Variants in GLCE observed in about 807,000 individuals in gnomAD.
The protein encoded by GLCE is D-glucuronyl C5-epimerase.
In GLCE, 19 loss-of-function variants were observed where a neutral mutation model predicts 47.9. That is an observed-to-expected ratio of 0.40 (90% CI 0.28 to 0.58). GLCE has a LOEUF of 0.58. Ranked by LOEUF, GLCE falls within the 20% of genes least tolerant of loss-of-function variation. The probability of loss-of-function intolerance (pLI) is 0.48; values close to 1 mark genes in which losing one functional copy is unlikely to be tolerated. For synonymous variants in GLCE, 245 were observed against 263.4 expected (o/e 0.93, Z 0.68); for missense variants, 556 against 743.3 (o/e 0.75, Z 2.93).
chr15:69,244,602 A>T (rs1452770878), intron 2 of GLCE, among the ~76,000 whole-genome samples: 1 of 152,244 alleles, frequency 6.6e-6, no homozygotes. Context: ...ATCAGAGCAC[A>T]GCCTTTGGAG....
chr15:69,192,045 G>A (rs1377076187), intron 1 of GLCE, among the ~76,000 whole-genome samples: 15 of 152,156 alleles, frequency 9.9e-5, no homozygotes. Context: ...GTGTGAATGT[G>A]TGTTTGTGTT....
At chr15:69,215,581 C>T (rs948012218) in intron 2 of GLCE, among the ~76,000 whole-genome samples, 5 of 150,152 alleles carry the variant, frequency 3.3e-5, no homozygotes, top group Non-Finnish European at 5.9e-5. Flanking sequence ...TGTGTGTATA[C>T]ATAAGTTTTC....
chr15:69,252,254 A>AT (rs1028576934), intron 2 of GLCE, among the ~76,000 whole-genome samples: 2 of 152,108 alleles, frequency 1.3e-5, no homozygotes, highest in East Asian at 1.9e-4. Flanking sequence ...TGGGTAATTT[A>AT]TTTTTAAAAA....
At chr15:69,249,003 A>T (rs1456350885) in intron 2 of GLCE, among the ~76,000 whole-genome samples, 1 of 152,196 alleles carries the variant, frequency 6.6e-6, no homozygotes, top group Non-Finnish European at 1.5e-5. Context: ...ATTTAAATGT[A>T]TAATATGTCA....
intron 3 of GLCE, among the ~76,000 whole-genome samples, chr15:69,259,794 G>C (rs1276104266): frequency 6.6e-6 from 1 of 152,208 alleles, no homozygotes; most frequent in Non-Finnish European, 1.5e-5. Flanking sequence ...TTACAGAGGA[G>C]ATCCCCCTCT....
intron 2 of GLCE, among the ~76,000 whole-genome samples, chr15:69,224,692 A>G (rs368313773): frequency 9.9e-5 from 15 of 152,250 alleles, no homozygotes; most frequent in African/African-American, 3.6e-4. Flanking sequence ...CCAGGAGCAC[A>G]TGCACAGCTG....
intron 1 of GLCE, among the ~76,000 whole-genome samples, chr15:69,208,240 CTTCT>C (rs892146402): frequency 1.3e-5 from 2 of 151,938 alleles, no homozygotes; most frequent in African/African-American, 4.8e-5. Context: ...AGATTTTCTT[CTTCT>C]TTGTCATTTT....
In GLCE at chr15:69,253,365, G is replaced by A. The variant is rs1012212484; in HGVS notation, c.-13-2429G>A. Among the ~76,000 whole-genome samples the A allele has an allele frequency of 2.0e-5, 3 of 152,240 alleles. No homozygotes were observed. The South Asian group carries it at 6.2e-4, about 32-fold the overall frequency. On this transcript the variant is annotated intron_variant, in intron 2 of 4. Coordinates refer to ENST00000261858, the MANE Select transcript of GLCE (RefSeq NM_015554.3). ...AACACTGCCAGTCAGCTTATGTCCA[G>A]CCCACACAGAGCTCCCTCTTTTTAT...
chr15:69,240,501 A>T (rs1269154197), intron 2 of GLCE, among the ~76,000 whole-genome samples: 2 of 152,106 alleles, frequency 1.3e-5, no homozygotes, highest in Non-Finnish European at 2.9e-5. Flanking sequence ...TTGGAGTGAG[A>T]TGTAGAAAAT....
intron 1 of GLCE, among the ~76,000 whole-genome samples, chr15:69,199,747 G>A (rs2052049437): frequency 6.6e-6 from 1 of 152,078 alleles, no homozygotes; most frequent in Admixed American, 6.6e-5. Flanking sequence ...GAGCCACTTG[G>A]GGAGTTTAAA....
intron 2 of GLCE, among the ~76,000 whole-genome samples, chr15:69,215,273 A>G (rs192391811): frequency 1.3e-5 from 2 of 152,066 alleles, no homozygotes; most frequent in African/African-American, 2.4e-5. Context: ...TGTGTGTTCT[A>G]TCCCTTTAGT....
intron 2 of GLCE, among the ~76,000 whole-genome samples, chr15:69,232,452 C>T (rs1412508197): frequency 6.6e-6 from 1 of 150,788 alleles, no homozygotes; most frequent in South Asian, 2.1e-4. Context: ...CTACATGAAT[C>T]GTGTGTGTGT....
intron 1 of GLCE, among the ~76,000 whole-genome samples, chr15:69,174,555 C>T (rs571622620): frequency 3.9e-5 from 6 of 152,122 alleles, no homozygotes; most frequent in South Asian, 4.2e-4. Flanking sequence ...GGTTGCATTG[C>T]GCTGAGATCG....
At position 69,258,731 on chromosome 15, in the gene GLCE, C is replaced by A. The variant is rs183282050; in HGVS notation, c.586+2339C>A. Among the ~76,000 whole-genome samples the A allele has an allele frequency of 1.4e-3, 215 of 152,178 alleles. 1 individual carries two copies. Among genetic ancestry groups the A allele is most frequent in the African/African-American group, 5.0e-3 (206 of 41,514 alleles). On this transcript the variant is annotated intron_variant, in intron 3 of 4. Coordinates refer to ENST00000261858, the MANE Select transcript of GLCE (RefSeq NM_015554.3). ...AACCATTTATCCTTTCTTAGTGTTACAAACAATCCAGTAATATTCTTTCAG... is the reference window on the plus strand; with the variant it reads ...AACCATTTATCCTTTCTTAGTGTTAAAAACAATCCAGTAATATTCTTTCAG...
chr15:69,198,191 C>A (rs2052024846), intron 1 of GLCE, among the ~76,000 whole-genome samples: 1 of 152,092 alleles, frequency 6.6e-6, no homozygotes, highest in Non-Finnish European at 1.5e-5. Flanking sequence ...TACTTTATTA[C>A]ATTTATTTAC....
intron 1 of GLCE, among the ~76,000 whole-genome samples, chr15:69,185,802 A>G (rs937396371): frequency 2.0e-5 from 3 of 152,146 alleles, no homozygotes; most frequent in Admixed American, 6.5e-5. Context: ...ATTTAAGAAC[A>G]TGCCAACCTA....
At chr15:69,227,022 G>A (rs954324507) in intron 2 of GLCE, among the ~76,000 whole-genome samples, 29 of 152,128 alleles carry the variant, frequency 1.9e-4, no homozygotes, top group African/African-American at 7.0e-4. Context: ...TGGAATTACA[G>A]GCGTGAGCCA....
chr15:69,246,519 C>A (rs1244458437), intron 2 of GLCE, among the ~76,000 whole-genome samples: 1 of 151,984 alleles, frequency 6.6e-6, no homozygotes, highest in Non-Finnish European at 1.5e-5. Flanking sequence ...AGTTTGAGAC[C>A]AGCCTGGCCA....
chr15:69,205,301 A>G (rs2052135159), intron 1 of GLCE, among the ~76,000 whole-genome samples: 2 of 152,150 alleles, frequency 1.3e-5, no homozygotes, highest in African/African-American at 4.8e-5. Context: ...TATAAGATTC[A>G]TATAAGTTGT....
Sources: gnomAD v4.1 joint callset for allele counts (sites outside exome capture counted in the v4.1 genomes callset) on GRCh38, gnomAD v4.1.1 for gene constraint, MANE v1.5 for transcripts, NCBI Gene and HGNC (gene_info 2026-07-23, HGNC 2026-07-21) for gene names.